The following DDR2 variants were observed in gnomAD, a reference collection of about 807,000 sequenced individuals.
The protein encoded by DDR2 is discoidin domain receptor tyrosine kinase 2.
Under a neutral mutation model 94.9 loss-of-function variants are expected in DDR2, and 27 were observed. That is an observed-to-expected ratio of 0.28 (90% CI 0.21 to 0.39). The LOEUF (loss-of-function observed/expected upper bound fraction) is 0.39, where lower values mean the gene tolerates loss of function less well. Among genes scored for constraint, DDR2 ranks in the 10% least tolerant of loss-of-function variants. DDR2 has a pLI of 1.00. For synonymous variants in DDR2, 382 were observed against 377.2 expected, an observed-to-expected ratio of 1.01 and a Z score of -0.15; for missense variants, 783 against 1,076.0, an observed-to-expected ratio of 0.73 and a Z score of 3.81.
rs1351710329 is a variant in DDR2 at position 162,783,716 on chromosome 1, A to G, written c.*3470A>G. ...AGGTTCAGTGTATGAAATGGAAAGG[A>G]ATTTTTCAGAATTTTAAGAAAGGGG... On this transcript the variant is annotated 3_prime_UTR_variant, in exon 18 of 18. Transcript: ENST00000367921. 3.3e-5 allele frequency: 5 copies of G among 152,170 alleles called. No homozygotes were observed. Among genetic ancestry groups the G allele is most frequent in the Admixed American group, 3.3e-4 (5 of 15,280 alleles). 9.4% of individuals were successfully genotyped at this position (152,170 alleles called of 1,614,324 possible). A position where few individuals can be genotyped will look rare whatever the true frequency, so the allele number is the denominator to read the frequency against.
rs1331566777 is a variant in DDR2 at position 162,773,477 on chromosome 1, C to A, written c.1737C>A (p.Leu579=). The change falls in exon 14 of 18, where the codon CTC becomes CTA. Residue 579 remains leucine (L), a synonymous_variant. Transcript: ENST00000367921. ...AGATGACTTTTGTCTAGGTTCATCTCTGTGAAGTGGAGGGAATGGAAAAAT... is the reference window on the plus strand; with the variant it reads ...AGATGACTTTTGTCTAGGTTCATCTATGTGAAGTGGAGGGAATGGAAAAAT... ...LGEGQFGEVH[L]CEVEGMEKFK... 1.2e-6 allele frequency: 2 copies of A among 1,613,776 alleles called. No individual in the cohort carries two copies. Among genetic ancestry groups the A allele is most frequent in the Non-Finnish European group, 8.5e-7 (1 of 1,179,806 alleles).
intron 7 of DDR2, 55 bp downstream of exon 7, chr1:162,755,824 T>C: frequency 7.2e-7 from 1 of 1,382,642 alleles, no homozygotes; most frequent in Non-Finnish European, 1.0e-6. Context: ...GAAAGAATAA[T>C]ATTTTATCAT....
intron 16 of DDR2, among the ~76,000 whole-genome samples, 190 bp downstream of exon 16, chr1:162,776,560 AAC>A (rs1647565312): frequency 6.6e-6 from 1 of 152,248 alleles, no homozygotes; most frequent in Admixed American, 6.5e-5. Flanking sequence ...CTAAAAAATT[AAC>A]ACACATAAAA....
At chr1:162,754,922 A>C in intron 5 of DDR2, 67 bp downstream of exon 5, 2 of 1,585,958 alleles carry the variant, frequency 1.3e-6, no homozygotes, top group Non-Finnish European at 1.7e-6. Context: ...TAGGAGAAGA[A>C]GGGTACAGGT....
intron 2 of DDR2, among the ~76,000 whole-genome samples, chr1:162,684,102 G>A (rs192639874): frequency 6.6e-6 from 1 of 152,260 alleles, no homozygotes; most frequent in Admixed American, 6.5e-5. Context: ...CCTCTGTGTT[G>A]CCTTATTTTT....
chr1:162,692,103 G>A lies in DDR2; in HGVS notation c.-27-26934G>A, dbSNP rs79571229. ...GGCTGAACATTCTCCCACATTTACTGACACAAACCTTCTGCTCTAGTGAGT... is the reference window on the plus strand; with the variant it reads ...GGCTGAACATTCTCCCACATTTACTAACACAAACCTTCTGCTCTAGTGAGT... On this transcript the variant is annotated intron_variant, in intron 2 of 17. Transcript: ENST00000367921. Among the ~76,000 whole-genome samples the A allele has an allele frequency of 5.6e-3, 858 of 152,258 alleles. 5 individuals carry two copies. The highest frequency in any genetic ancestry group is 0.01 in the Middle Eastern group (3 of 294).
chr1:162,739,393 G>A (rs749411238), intron 3 of DDR2, among the ~76,000 whole-genome samples: 9 of 152,104 alleles, frequency 5.9e-5, no homozygotes, highest in South Asian at 2.1e-4. Flanking sequence ...CTGCACCTCC[G>A]CCTCCCAGAT....
chr1:162,690,358 T>G (rs1197281793), intron 2 of DDR2, among the ~76,000 whole-genome samples: 1 of 152,132 alleles, frequency 6.6e-6, no homozygotes, highest in Admixed American at 6.5e-5. Flanking sequence ...TCACTGGTTT[T>G]GGGGTTAGGA....
At chr1:162,661,956 G>T (rs193174309) in intron 2 of DDR2, among the ~76,000 whole-genome samples, 1 of 152,256 alleles carries the variant, frequency 6.6e-6, no homozygotes, top group East Asian at 1.9e-4. Context: ...TGAAGAGTCC[G>T]GGTAGACATA....
At chr1:162,729,621 A>G (rs1661919611) in intron 3 of DDR2, among the ~76,000 whole-genome samples, 1 of 150,900 alleles carries the variant, frequency 6.6e-6, no homozygotes, top group Non-Finnish European at 1.5e-5. Context: ...ACCAGCACCT[A>G]TTACAGTGCT....
intron 2 of DDR2, among the ~76,000 whole-genome samples, chr1:162,716,421 A>G (rs1340510871): frequency 6.6e-6 from 1 of 152,218 alleles, no homozygotes; most frequent in East Asian, 1.9e-4. Flanking sequence ...GTGCTCAACT[A>G]TAGCCAAGAC....
At chr1:162,716,580 A>G (rs1661176999) in intron 2 of DDR2, among the ~76,000 whole-genome samples, 1 of 152,166 alleles carries the variant, frequency 6.6e-6, no homozygotes, top group East Asian at 1.9e-4. Flanking sequence ...CTATGAAACT[A>G]TGCTCATCAC....
intron 2 of DDR2, among the ~76,000 whole-genome samples, chr1:162,669,984 G>T (rs4657219): frequency 0.77 from 117,335 of 152,214 alleles, 46,298 homozygotes; most frequent in Middle Eastern, 0.86. Flanking sequence ...TGCTGCTATA[G>T]ACATTATCAA....
chr1:162,777,710 T>C (rs1424543372), intron 16 of DDR2: 1 of 152,200 alleles, frequency 6.6e-6, no homozygotes, highest in Non-Finnish European at 1.5e-5. Context: ...TTCATTTTTC[T>C]GATCTAAAAA....
At chr1:162,648,666 G>A (rs532311863) in intron 1 of DDR2, among the ~76,000 whole-genome samples, 5 of 152,180 alleles carry the variant, frequency 3.3e-5, no homozygotes, top group Non-Finnish European at 2.9e-5. Flanking sequence ...GGTTGCTTTC[G>A]GTAGTCCAGA....
chr1:162,702,463 A>G (rs746808361), intron 2 of DDR2, among the ~76,000 whole-genome samples: 12 of 152,138 alleles, frequency 7.9e-5, no homozygotes, highest in Non-Finnish European at 1.3e-4. Flanking sequence ...GATATTCCCT[A>G]CCCAACTAGA....
At chr1:162,747,274 A>C (rs1219122963) in intron 3 of DDR2, among the ~76,000 whole-genome samples, 1 of 152,206 alleles carries the variant, frequency 6.6e-6, no homozygotes, top group African/African-American at 2.4e-5. Context: ...AAACCTTGAA[A>C]AAAGATTAGA....
At chr1:162,704,725 G>C (rs1389367691) in intron 2 of DDR2, among the ~76,000 whole-genome samples, 2 of 152,120 alleles carry the variant, frequency 1.3e-5, no homozygotes, top group Non-Finnish European at 2.9e-5. Flanking sequence ...ACTTCTCAAA[G>C]GCCCTACTTC....
chr1:162,760,309 T>G (rs1238149811), intron 8 of DDR2, among the ~76,000 whole-genome samples: 3 of 151,238 alleles, frequency 2.0e-5, no homozygotes, highest in Admixed American at 6.6e-5. Flanking sequence ...TAATATCAGG[T>G]GAAAAAAATA....
Sources: allele counts gnomAD v4.1 joint callset (sites outside exome capture counted in the v4.1 genomes callset), GRCh38; gene constraint gnomAD v4.1.1; transcripts MANE v1.5; gene names NCBI Gene and HGNC (gene_info 2026-07-23, HGNC 2026-07-21).